RXFP1: variants seen among roughly 807,000 people sequenced by gnomAD.
The protein encoded by RXFP1 is relaxin receptor 1.
A neutral mutation model predicts 89.8 loss-of-function variants in RXFP1; 73 were observed. That is an observed-to-expected ratio of 0.81 (90% CI 0.67 to 0.99). The LOEUF (loss-of-function observed/expected upper bound fraction) is 0.99. Among genes scored for constraint, RXFP1 ranks in the 50% least tolerant of loss-of-function variants. The pLI, the probability that RXFP1 is intolerant of heterozygous loss-of-function variation, is 0.00. For missense variants in RXFP1, 793 were observed against 895.5 expected, an observed-to-expected ratio of 0.89 and a Z score of 1.46; for synonymous variants, 277 against 305.5, an observed-to-expected ratio of 0.91 and a Z score of 0.97.
chr4:158,542,319 A>G (rs1009961810), intron 1 of RXFP1, among the ~76,000 whole-genome samples: 11 of 151,694 alleles, frequency 7.3e-5, no homozygotes, highest in African/African-American at 1.5e-4. Flanking sequence ...ATCTTTTATC[A>G]GGAAACAATG....
Position 158,607,981 on chromosome 4 carries a change from A to G in RXFP1, c.474A>G (p.Gln158=). 1.9e-6 allele frequency: 3 copies of G among 1,603,614 alleles called. No individual in the cohort carries two copies. The highest frequency in any genetic ancestry group is 2.6e-6 in the Non-Finnish European group (3 of 1,173,832). ...NYHDLQKLYL[Q]NNKITSISIY... ...ATAATCATTTTCACAGGTACCTGCA[A>G]AACAATAAGATTACATCCATCTCCA... is the stretch of plus-strand genomic sequence containing the variant. The change falls in exon 6 of 18, where the codon CAA becomes CAG. Residue 158 remains glutamine, a synonymous_variant. Coordinates refer to ENST00000307765, the MANE Select transcript of RXFP1 (RefSeq NM_021634.4).
intron 9 of RXFP1, among the ~76,000 whole-genome samples, chr4:158,625,711 G>C (rs773372946): frequency 6.6e-6 from 1 of 152,056 alleles, no homozygotes; most frequent in Non-Finnish European, 1.5e-5. Flanking sequence ...GTGGAGTATA[G>C]GCACTTCTAT....
chr4:158,599,465 T>TG (rs1465072293), intron 4 of RXFP1, 34 bp downstream of exon 4: 13 of 1,550,068 alleles, frequency 8.4e-6, no homozygotes, highest in Non-Finnish European at 1.2e-5. Context: ...TCCTGACAGC[T>TG]GGGTAGCACC....
intron 9 of RXFP1, among the ~76,000 whole-genome samples, chr4:158,619,091 A>G (rs1229838092): frequency 6.6e-6 from 1 of 152,062 alleles, no homozygotes; most frequent in Non-Finnish European, 1.5e-5. Flanking sequence ...ATGTGATCAC[A>G]CACACACACA....
chr4:158,591,410 T>C (rs1759437732), intron 2 of RXFP1, among the ~76,000 whole-genome samples: 1 of 152,100 alleles, frequency 6.6e-6, no homozygotes, highest in Non-Finnish European at 1.5e-5. Context: ...TTTGCTGGTT[T>C]CTGGGGCACT....
chr4:158,648,783 A>C (rs1772059370), intron 17 of RXFP1, 66 bp downstream of exon 17: 1 of 997,588 alleles, frequency 1.0e-6, no homozygotes, highest in African/African-American at 1.6e-5. Context: ...TTTTAAGGAA[A>C]ACAATTAAAA....
At chr4:158,564,950 G>A (rs1346987672) in intron 1 of RXFP1, among the ~76,000 whole-genome samples, 1 of 152,112 alleles carries the variant, frequency 6.6e-6, no homozygotes, top group African/African-American at 2.4e-5. Flanking sequence ...CTAAACAATT[G>A]AGTTCTAAAG....
rs78422778 is a variant in RXFP1 at position 158,602,201 on chromosome 4, G to T, written c.392+2770G>T. Among the ~76,000 whole-genome samples, 46 of 152,304 alleles carry T rather than the reference G, an allele frequency of 3.0e-4. No homozygotes were observed. In the East Asian group the frequency reaches 6.4e-3, roughly 21 times the overall value. ...TAGGATATTGTGAAATGTAGAGAAT[G>T]TTATTTGTCAAAATATTTTATGTCA... On this transcript the variant is annotated intron_variant, in intron 4 of 17. Coordinates refer to ENST00000307765, the MANE Select transcript of RXFP1 (RefSeq NM_021634.4).
At chr4:158,611,460 C>T (rs1452790079) in intron 6 of RXFP1, among the ~76,000 whole-genome samples, 4 of 152,122 alleles carry the variant, frequency 2.6e-5, no homozygotes, top group African/African-American at 9.7e-5. Flanking sequence ...TGCCTGCCTC[C>T]TAGGTTTATC....
intron 1 of RXFP1, among the ~76,000 whole-genome samples, chr4:158,553,002 T>C (rs765683801): frequency 6.6e-6 from 1 of 152,022 alleles, no homozygotes; most frequent in Non-Finnish European, 1.5e-5. Flanking sequence ...CTAGACAACA[T>C]AGCAAGACCC....
intron 3 of RXFP1, among the ~76,000 whole-genome samples, chr4:158,594,020 A>AT (rs1263170045): frequency 1.3e-5 from 2 of 152,216 alleles, no homozygotes; most frequent in African/African-American, 4.8e-5. Context: ...TAACTATAAT[A>AT]TTTTAGATCA....
chr4:158,627,371 G>A (rs1336490862), intron 10 of RXFP1, among the ~76,000 whole-genome samples: 1 of 152,128 alleles, frequency 6.6e-6, no homozygotes, highest in Non-Finnish European at 1.5e-5. Context: ...CAACTAATAA[G>A]TAGGTGATGA....
intron 6 of RXFP1, among the ~76,000 whole-genome samples, chr4:158,609,119 G>A (rs1763080552): frequency 6.6e-6 from 1 of 152,134 alleles, no homozygotes; most frequent in Non-Finnish European, 1.5e-5. Flanking sequence ...ATCTGTTTGG[G>A]TCCCCACTTT....
At chr4:158,584,453 G>T (rs556925627) in intron 2 of RXFP1, among the ~76,000 whole-genome samples, 1 of 151,664 alleles carries the variant, frequency 6.6e-6, no homozygotes, top group African/African-American at 2.4e-5. Context: ...AAAAAGAAAG[G>T]CTCCACTTTG....
intron 1 of RXFP1, among the ~76,000 whole-genome samples, chr4:158,546,257 T>C (rs548129851): frequency 1.3e-5 from 2 of 152,332 alleles, no homozygotes; most frequent in Admixed American, 6.5e-5. Context: ...TGTTTGTCTG[T>C]TATTGGTGTA....
intron 8 of RXFP1, among the ~76,000 whole-genome samples, chr4:158,612,800 G>A (rs1051335114): frequency 3.3e-5 from 5 of 151,902 alleles, no homozygotes; most frequent in African/African-American, 7.3e-5. Context: ...GAGTAGAGAC[G>A]GGGTTTCACC....
chr4:158,606,916 T>A (rs1409317137), intron 5 of RXFP1: 1 of 699,680 alleles, frequency 1.4e-6, no homozygotes, highest in Non-Finnish European at 2.5e-6. Flanking sequence ...ACAATCAAAG[T>A]TAGGTTTTCT....
chr4:158,539,996 A>G (rs1341322742), intron 1 of RXFP1, among the ~76,000 whole-genome samples: 4 of 152,230 alleles, frequency 2.6e-5, no homozygotes, highest in Non-Finnish European at 5.9e-5. Context: ...ACTTCTGTGA[A>G]AGGTAACAAT....
intron 2 of RXFP1, among the ~76,000 whole-genome samples, chr4:158,586,406 C>T (rs1241525512): frequency 2.0e-5 from 3 of 152,124 alleles, no homozygotes; most frequent in Admixed American, 6.5e-5. Context: ...ATTTTTACAA[C>T]ACTACCCATA....
Sources: gnomAD v4.1 joint callset for allele counts (sites outside exome capture counted in the v4.1 genomes callset) on GRCh38, gnomAD v4.1.1 for gene constraint, MANE v1.5 for transcripts, NCBI Gene and HGNC (gene_info 2026-07-23, HGNC 2026-07-21) for gene names.